TNNT2: variants seen among roughly 807,000 people sequenced by gnomAD.
TNNT2 encodes the protein troponin T2, cardiac type.
Under a neutral mutation model 62.4 loss-of-function variants are expected in TNNT2, and 34 were observed. The ratio of observed to expected loss-of-function variants is 0.54; its 90% CI spans 0.41 to 0.72. The LOEUF is 0.72. TNNT2 is among the 30% of genes least tolerant of loss of function. TNNT2 has a pLI of 0.00. For missense variants in TNNT2, 275 were observed against 381.9 expected (o/e 0.72, Z 2.33); for synonymous variants, 123 against 127.2 (o/e 0.97, Z 0.22).
intron 8 of TNNT2, chr1:201,366,366 C>T (rs867773334): frequency 5.8e-6 from 6 of 1,030,508 alleles, no homozygotes; most frequent in East Asian, 8.5e-5. Context: ...TCCCCCAGCC[C>T]CCCCCAGCAC....
At chr1:201,372,256 T>G (rs1660742415) in intron 2 of TNNT2, 101 bp from the exon 3 acceptor site, 4 of 1,557,360 alleles carry the variant, frequency 2.6e-6, no homozygotes, top group South Asian at 1.1e-5. Flanking sequence ...CCAAAGATAA[T>G]CCCCCTTTCT....
intron 12 of TNNT2, among the ~76,000 whole-genome samples, chr1:201,362,854 A>G (rs943135016): frequency 6.6e-6 from 1 of 152,212 alleles, no homozygotes; most frequent in Non-Finnish European, 1.5e-5. Context: ...ATGGTAGCTC[A>G]TTTGAGCTTC....
At chr1:201,363,990 G>A (rs1230392380) in intron 11 of TNNT2, 9 of 395,752 alleles carry the variant, frequency 2.3e-5, no homozygotes, top group East Asian at 5.7e-5. Context: ...GGGTTCAAGC[G>A]ATTCTCCTGC....
At chr1:201,369,722 A>AC (rs1370665794) in intron 5 of TNNT2, 94 bp downstream of exon 5, 105 of 1,538,070 alleles carry the variant, frequency 6.8e-5, no homozygotes, top group Non-Finnish European at 9.2e-5. Flanking sequence ...GCCTACTCAC[A>AC]CCCCCCAGCC....
At chr1:201,359,364 T>C (rs1284987500) in intron 16 of TNNT2, 109 bp from the exon 17 acceptor site, 28 of 1,379,530 alleles carry the variant, frequency 2.0e-5, no homozygotes, top group Non-Finnish European at 2.7e-5. Flanking sequence ...AGGCTGGAGC[T>C]GCCTCCAGGG....
chr1:201,368,420 A>G (rs1339649142), intron 5 of TNNT2, 193 bp from the exon 6 acceptor site: 2 of 665,746 alleles, frequency 3.0e-6, no homozygotes, highest in Non-Finnish European at 5.5e-6. Flanking sequence ...CCCGCCACCC[A>G]GCTTAGCCCC....
chr1:201,374,526 A>C (rs113236409), intron 1 of TNNT2: 11,896 of 152,234 alleles, frequency 0.078, 924 homozygotes, highest in African/African-American at 0.2. Context: ...TGTTACAATG[A>C]GCATGTAATC....
chr1:201,364,152 G>A, intron 11 of TNNT2, 146 bp downstream of exon 11: 1 of 853,466 alleles, frequency 1.2e-6, no homozygotes, highest in Non-Finnish European at 1.8e-6. Flanking sequence ...CCAAAGTGCT[G>A]GGATTACAGG....
chr1:201,377,602 A>AGAGC (rs751645802), intron 1 of TNNT2, 21 bp downstream of exon 1: 1 of 456,262 alleles, frequency 2.2e-6, no homozygotes, highest in South Asian at 1.5e-5. Flanking sequence ...CCTCTTCCCC[A>AGAGC]GAGCCCTGCC....
chr1:201,363,973 G>T (rs1659196506), intron 11 of TNNT2: 5 of 364,600 alleles, frequency 1.4e-5, no homozygotes, highest in South Asian at 1.3e-4. Flanking sequence ...CTGCAACCTT[G>T]CCTCCTGGGT....
At chr1:201,365,811 A>G (rs903875853) in intron 8 of TNNT2, 141 bp from the exon 9 acceptor site, 1 of 1,536,006 alleles carries the variant, frequency 6.5e-7, no homozygotes, top group African/African-American at 1.4e-5. Context: ...AGTAACACTG[A>G]CGTCAACAAT....
chr1:201,369,951 G>T, intron 4 of TNNT2, 106 bp from the exon 5 acceptor site: 4 of 1,322,690 alleles, frequency 3.0e-6, no homozygotes, highest in Non-Finnish European at 4.3e-6. Context: ...GGTTTTAAGA[G>T]TGTGGGCTTT....
At chr1:201,366,262 C>T in intron 8 of TNNT2, 4 of 1,016,950 alleles carry the variant, frequency 3.9e-6, no homozygotes, top group Non-Finnish European at 4.7e-6. Flanking sequence ...TCAGAAGGCC[C>T]CACTGAAATG....
chr1:201,359,652 G>A lies in TNNT2; in HGVS notation c.822C>T (p.Leu274=). Residue 274 remains leucine, a synonymous_variant, in exon 16 of 17, where the codon CTC becomes CTT. Coordinates refer to ENST00000656932, the MANE Select transcript of TNNT2 (RefSeq NM_001276345.2). ...FKQQKYEINV[L]RNRINDNQKV... ...TCTGGTTATCGTTGATCCTGTTTCG[G>A]AGAACATTGATCTGCAAGAAAAGTG... 6.3e-7 allele frequency: 1 copy of A among 1,593,600 alleles called. No individual in the cohort carries two copies. The highest frequency in any genetic ancestry group is 8.6e-7 in the Non-Finnish European group (1 of 1,168,186).
chr1:201,369,712 G>T, intron 5 of TNNT2, 104 bp downstream of exon 5: 2 of 1,424,028 alleles, frequency 1.4e-6, no homozygotes, highest in Non-Finnish European at 2.0e-6. Context: ...CGTCCCTGCC[G>T]CCTACTCACA....
chr1:201,363,742 T>C (rs1571617616), intron 11 of TNNT2: 3 of 411,266 alleles, frequency 7.3e-6, no homozygotes, highest in African/African-American at 2.0e-5. Context: ...AAGTCTGCAC[T>C]GGGGAAGGGA....
chr1:201,364,442 C>A (rs1659299408), intron 10 of TNNT2, 67 bp from the exon 11 acceptor site: 1 of 1,525,340 alleles, frequency 6.6e-7, no homozygotes, highest in Non-Finnish European at 9.0e-7. Context: ...GGTACAGAAA[C>A]CTGCATGGGG....
intron 8 of TNNT2, 178 bp downstream of exon 8, chr1:201,366,660 C>T (rs1659716292): frequency 6.6e-7 from 1 of 1,504,260 alleles, no homozygotes; most frequent in Non-Finnish European, 8.9e-7. Context: ...TCAGCCCTCA[C>T]TCACTCCCTT....
rs1233814100 is a variant in TNNT2, at chr1:201,359,262, G to A, written c.852-7C>T. On this transcript the variant is annotated splice_polypyrimidine_tract_variant and splice_region_variant and intron_variant, in intron 16 of 16. Transcript: ENST00000656932. ...CTTCCCGCGGGTCTTGGAGCTGCAGGGGAAGCAGGACGCAGTGACATGGAG... is the reference window on the plus strand; with the variant it reads ...CTTCCCGCGGGTCTTGGAGCTGCAGAGGAAGCAGGACGCAGTGACATGGAG... The A allele has an allele frequency of 1.2e-6, 2 of 1,610,620 alleles. No homozygotes were observed. The highest frequency in any genetic ancestry group is 8.5e-7 in the Non-Finnish European group (1 of 1,178,986).
Sources: gnomAD v4.1 joint callset for allele counts (sites outside exome capture counted in the v4.1 genomes callset) on GRCh38, gnomAD v4.1.1 for gene constraint, MANE v1.5 for transcripts, NCBI Gene and HGNC (gene_info 2026-07-23, HGNC 2026-07-21) for gene names.